The following CCDC171 variants were observed in gnomAD, a reference collection of about 807,000 sequenced individuals.
The protein encoded by CCDC171 is coiled-coil domain containing 171, also known as coiled-coil domain-containing protein 171.
A neutral mutation model predicts 168.2 loss-of-function variants in CCDC171; 177 were observed. The ratio of observed to expected loss-of-function variants is 1.05; its 90% CI spans 0.93 to 1.19. The LOEUF is 1.19. Among genes scored for constraint, CCDC171 ranks in the 50% most tolerant of loss-of-function variants. The pLI is 0.00. For synonymous variants in CCDC171, 687 were observed against 540.8 expected (o/e 1.27, Z -3.75); for missense variants, 1,991 against 1,539.0 (o/e 1.29, Z -4.91).
intron 21 of CCDC171, among the ~76,000 whole-genome samples, 193 bp downstream of exon 21, chr9:15,784,887 G>A (rs1297756984): frequency 6.6e-6 from 1 of 152,032 alleles, no homozygotes; most frequent in Non-Finnish European, 1.5e-5. Context: ...GTAAAAGTAG[G>A]CTTTACTTGC....
At chr9:16,031,067 A>G (rs758957161) in intron 6 of CCDC171, among the ~76,000 whole-genome samples, 3 of 152,158 alleles carry the variant, frequency 2.0e-5, no homozygotes, top group Non-Finnish European at 4.4e-5. Flanking sequence ...ACCTTAGGCA[A>G]CATGGCCATG....
At chr9:16,003,737 A>G (rs77433780) in intron 3 of CCDC171, among the ~76,000 whole-genome samples, 5,353 of 152,314 alleles carry the variant, frequency 0.035, 328 homozygotes, top group African/African-American at 0.12. Context: ...AGGCTTAGAT[A>G]AAATCCAAGT....
intron 25 of CCDC171, among the ~76,000 whole-genome samples, chr9:15,942,518 G>A (rs551576014): frequency 6.6e-6 from 1 of 151,848 alleles, no homozygotes; most frequent in Non-Finnish European, 1.5e-5. Context: ...CCTGAGATCA[G>A]GAATTGTGTC....
intron 11 of CCDC171, among the ~76,000 whole-genome samples, chr9:15,706,406 C>T (rs970927972): frequency 2.0e-5 from 3 of 152,084 alleles, no homozygotes; most frequent in African/African-American, 4.8e-5. Context: ...CCTCCCACCT[C>T]AGCTCCCAAG....
chr9:15,657,409 C>G (rs958795241), intron 8 of CCDC171, among the ~76,000 whole-genome samples, 190 bp downstream of exon 8: 1 of 152,130 alleles, frequency 6.6e-6, no homozygotes, highest in Admixed American at 6.5e-5. Flanking sequence ...AGTTGGCACA[C>G]TATAGCCTAC....
intron 6 of CCDC171, among the ~76,000 whole-genome samples, chr9:15,614,372 A>T (rs276436): frequency 0.53 from 80,909 of 151,954 alleles, 21,836 homozygotes; most frequent in East Asian, 0.77. Context: ...TTTTTGAAGC[A>T]ATCAGGAGCT....
chr9:15,648,197 G>A (rs529933454), intron 7 of CCDC171, among the ~76,000 whole-genome samples: 1 of 152,162 alleles, frequency 6.6e-6, no homozygotes, highest in East Asian at 1.9e-4. Context: ...AAATTCAACA[G>A]CCCTTCATGC....
At position 15,783,883 on chromosome 9, in the gene CCDC171, C is replaced by T. The variant is rs141678221; in HGVS notation, c.3082-626C>T. On this transcript the variant is annotated intron_variant, in intron 20 of 25. Coordinates refer to ENST00000380701, the MANE Select transcript of CCDC171 (RefSeq NM_173550.4). ...TTGAACACTCACTGAGTGCCAGGCACTCTTCTCTATGTTGGATGAAAAGCT... is the reference window on the plus strand; with the variant it reads ...TTGAACACTCACTGAGTGCCAGGCATTCTTCTCTATGTTGGATGAAAAGCT... Among the ~76,000 whole-genome samples, 884 of 152,284 alleles carry T rather than the reference C, an allele frequency of 5.8e-3. 3 individuals are homozygous for T. Among genetic ancestry groups the T allele is most frequent in the Middle Eastern group, 0.02 (6 of 294 alleles).
At chr9:16,082,433 C>T in the CCDC171 span, among the ~76,000 whole-genome samples, 9 of 152,184 alleles carry the variant, frequency 5.9e-5, no homozygotes, top group Middle Eastern at 3.4e-3. Context: ...CATTTTAATG[C>T]GTAAGGACTG....
intron 20 of CCDC171, among the ~76,000 whole-genome samples, chr9:15,780,517 T>TA (rs945027687): frequency 1.5e-4 from 23 of 150,416 alleles, no homozygotes; most frequent in South Asian, 8.4e-4. Context: ...ACCGCATCTC[T>TA]AAAAAAAAAA....
chr9:15,762,431 A>G (rs1325437321), intron 18 of CCDC171, among the ~76,000 whole-genome samples: 3 of 152,200 alleles, frequency 2.0e-5, no homozygotes, highest in Non-Finnish European at 4.4e-5. Flanking sequence ...GAAAAAGTCA[A>G]CTATGGTAGC....
intron 24 of CCDC171, among the ~76,000 whole-genome samples, chr9:15,882,193 A>ATGT (rs1818740328): frequency 6.6e-6 from 1 of 152,180 alleles, no homozygotes; most frequent in African/African-American, 2.4e-5. Flanking sequence ...ATAGTTAATG[A>ATGT]TGTTGAGTAT....
the CCDC171 span, among the ~76,000 whole-genome samples, chr9:16,106,431 C>T: frequency 1.3e-5 from 2 of 152,170 alleles, no homozygotes; most frequent in Non-Finnish European, 2.9e-5. Context: ...TGTGAAGCCA[C>T]CTTCTGCCTC....
chr9:15,896,646 T>A (rs910949874), intron 24 of CCDC171, among the ~76,000 whole-genome samples: 11 of 152,224 alleles, frequency 7.2e-5, no homozygotes, highest in African/African-American at 2.6e-4. Flanking sequence ...TCTCTTCTAC[T>A]GACCTGATAC....
chr9:15,881,207 A>G (rs1818592554), intron 24 of CCDC171, among the ~76,000 whole-genome samples: 1 of 152,218 alleles, frequency 6.6e-6, no homozygotes, highest in Non-Finnish European at 1.5e-5. Flanking sequence ...GCACAAGTAG[A>G]ACTAAAATTT....
intron 6 of CCDC171, among the ~76,000 whole-genome samples, chr9:15,610,924 T>G (rs1047526194): frequency 1.3e-5 from 2 of 152,010 alleles, no homozygotes; most frequent in African/African-American, 2.4e-5. Flanking sequence ...ACATGAGAAG[T>G]GATATATTTT....
chr9:15,555,543 A>C (rs952043989), intron 1 of CCDC171, among the ~76,000 whole-genome samples: 2 of 152,144 alleles, frequency 1.3e-5, no homozygotes, highest in Non-Finnish European at 2.9e-5. Flanking sequence ...TGCTTCCCTG[A>C]CTGGGATGAA....
At chr9:16,067,018 A>G in the CCDC171 span, among the ~76,000 whole-genome samples, 8 of 151,980 alleles carry the variant, frequency 5.3e-5, no homozygotes, top group African/African-American at 9.7e-5. Flanking sequence ...CTAGTTCTAG[A>G]TCCCTGAGGA....
intron 13 of CCDC171, among the ~76,000 whole-genome samples, chr9:15,724,214 C>T (rs1265584243): frequency 2.6e-5 from 4 of 152,164 alleles, no homozygotes; most frequent in African/African-American, 9.7e-5. Flanking sequence ...GTTTTATGTA[C>T]TACATCTTTG....
Sources: gnomAD v4.1 joint callset for allele counts (sites outside exome capture counted in the v4.1 genomes callset) on GRCh38, gnomAD v4.1.1 for gene constraint, MANE v1.5 for transcripts, NCBI Gene and HGNC (gene_info 2026-07-23, HGNC 2026-07-21) for gene names.